CSMD3: variants seen among roughly 807,000 people sequenced by gnomAD.
The protein encoded by CSMD3 is CUB and Sushi multiple domains 3.
Under a neutral mutation model 435.2 loss-of-function variants are expected in CSMD3, and 177 were observed. The ratio of observed to expected loss-of-function variants is 0.41; its 90% CI spans 0.36 to 0.46. The LOEUF (loss-of-function observed/expected upper bound fraction) is 0.46. CSMD3 is among the 20% of genes least tolerant of loss of function. The probability of loss-of-function intolerance (pLI) is 0.34; values close to 1 mark genes in which losing one functional copy is unlikely to be tolerated. For missense variants in CSMD3, 4,265 were observed against 4,504.6 expected, an observed-to-expected ratio of 0.95 and a Z score of 1.52; for synonymous variants, 1,656 against 1,520.5, an observed-to-expected ratio of 1.09 and a Z score of -2.07.
intron 12 of CSMD3, among the ~76,000 whole-genome samples, chr8:112,828,062 T>C (rs1014915371): frequency 3.3e-5 from 5 of 152,216 alleles, no homozygotes; most frequent in African/African-American, 1.2e-4. Flanking sequence ...TTTTACAGTA[T>C]ATTGCATGTA....
chr8:112,971,131 TGTAA>T (rs1015785857), intron 7 of CSMD3, among the ~76,000 whole-genome samples: 13 of 152,332 alleles, frequency 8.5e-5, no homozygotes, highest in African/African-American at 3.1e-4. Flanking sequence ...AATACTGCTA[TGTAA>T]GTGTTTCTCA....
At chr8:112,952,859 AT>A (rs1224125391) in intron 8 of CSMD3, among the ~76,000 whole-genome samples, 1 of 151,490 alleles carries the variant, frequency 6.6e-6, no homozygotes, top group Non-Finnish European at 1.5e-5. Flanking sequence ...TAAACAAGAT[AT>A]TTTTATTAGA....
At chr8:112,870,060 G>GA (rs2081088502) in intron 10 of CSMD3, among the ~76,000 whole-genome samples, 1 of 151,978 alleles carries the variant, frequency 6.6e-6, no homozygotes, top group African/African-American at 2.4e-5. Flanking sequence ...AATTTGTTTA[G>GA]AAAAATATTA....
intron 23 of CSMD3, among the ~76,000 whole-genome samples, chr8:112,584,858 G>A (rs1421966031): frequency 6.6e-6 from 1 of 151,550 alleles, no homozygotes; most frequent in South Asian, 2.1e-4. Flanking sequence ...TAAAGTACTG[G>A]AGATGGGGAT....
At chr8:113,360,278 C>T (rs1313238152) in intron 1 of CSMD3, among the ~76,000 whole-genome samples, 1 of 152,054 alleles carries the variant, frequency 6.6e-6, no homozygotes, top group Non-Finnish European at 1.5e-5. Context: ...CCTACTTCAG[C>T]CCTCTAGAGC....
chr8:112,487,310 C>T (rs1252127188), intron 31 of CSMD3, among the ~76,000 whole-genome samples: 1 of 151,990 alleles, frequency 6.6e-6, no homozygotes, highest in African/African-American at 2.4e-5. Flanking sequence ...AGATTAGATG[C>T]CTGAAGAAAA....
intron 13 of CSMD3, among the ~76,000 whole-genome samples, chr8:112,722,576 CGTGT>C (rs150216751): frequency 8.0e-5 from 12 of 150,094 alleles, no homozygotes; most frequent in African/African-American, 2.7e-4. Flanking sequence ...TGTGCGTTAG[CGTGT>C]GTGTGTGTGT....
At chr8:113,151,262 C>G (rs1156874832) in intron 4 of CSMD3, among the ~76,000 whole-genome samples, 1 of 151,880 alleles carries the variant, frequency 6.6e-6, no homozygotes, top group Non-Finnish European at 1.5e-5. Flanking sequence ...ATACTATTAT[C>G]TATTTTCTAA....
At chr8:112,539,940 A>T (rs2131129888) in intron 27 of CSMD3, among the ~76,000 whole-genome samples, 1 of 152,244 alleles carries the variant, frequency 6.6e-6, no homozygotes, top group South Asian at 2.1e-4. Context: ...AGCAAAGTAA[A>T]CAATCAACAG....
chr8:112,645,200 C>T lies in CSMD3; in HGVS notation c.3219G>A (p.Gly1073=), dbSNP rs149260352. 1 of 1,594,532 alleles carries T rather than the reference C, an allele frequency of 6.3e-7. No individual in the cohort carries two copies. Among genetic ancestry groups the T allele is most frequent in the Non-Finnish European group, 8.6e-7 (1 of 1,162,364 alleles). The change falls in exon 20 of 71, where the codon GGG becomes GGA. Residue 1073 remains glycine, a synonymous_variant. Transcript: ENST00000297405. ...CAGGTGATAAGATTGTTCCACTAGG[C>T]CCTCTAACATCTCCTCCACATAATG... The part of the protein sequence containing the change: ...CDALCGGDVR[G]PSGTILSPGY...
chr8:113,134,675 G>T (rs1232270398), intron 4 of CSMD3, among the ~76,000 whole-genome samples: 2 of 152,002 alleles, frequency 1.3e-5, no homozygotes, highest in South Asian at 4.1e-4. Flanking sequence ...CCAGGTAGGG[G>T]TTTTCAACAG....
At chr8:112,660,697 T>C (rs554419993) in intron 17 of CSMD3, among the ~76,000 whole-genome samples, 10 of 152,306 alleles carry the variant, frequency 6.6e-5, no homozygotes, top group South Asian at 4.1e-4. Flanking sequence ...ATTTGGGACT[T>C]AATTTATTTT....
intron 13 of CSMD3, among the ~76,000 whole-genome samples, chr8:112,709,547 A>G (rs974595208): frequency 6.6e-6 from 1 of 152,126 alleles, no homozygotes; most frequent in Non-Finnish European, 1.5e-5. Flanking sequence ...ATTACAATTC[A>G]GAGAAACAGA....
intron 11 of CSMD3, among the ~76,000 whole-genome samples, chr8:112,847,174 T>C (rs1484834485): frequency 6.6e-6 from 1 of 152,156 alleles, no homozygotes; most frequent in African/African-American, 2.4e-5. Context: ...GTAGATACTG[T>C]CAATGCTCCA....
At chr8:113,270,701 C>T (rs1459337872) in intron 3 of CSMD3, among the ~76,000 whole-genome samples, 1 of 152,040 alleles carries the variant, frequency 6.6e-6, no homozygotes, top group African/African-American at 2.4e-5. Context: ...TGGAAACCAT[C>T]ACTCTCAGCA....
At chr8:112,876,808 A>C (rs1041608956) in intron 10 of CSMD3, among the ~76,000 whole-genome samples, 4 of 152,160 alleles carry the variant, frequency 2.6e-5, no homozygotes, top group Non-Finnish European at 5.9e-5. Flanking sequence ...GGAAGGGAGA[A>C]AGTCAAATTG....
At chr8:113,335,524 T>C in intron 1 of CSMD3, among the ~76,000 whole-genome samples, 1 of 142,270 alleles carries the variant, frequency 7.0e-6, no homozygotes, top group Admixed American at 7.1e-5. Context: ...TGGATTTAGC[T>C]CTCCTCCTCC....
At chr8:112,576,629 C>T (rs969976703) in intron 23 of CSMD3, among the ~76,000 whole-genome samples, 7 of 151,884 alleles carry the variant, frequency 4.6e-5, no homozygotes, top group African/African-American at 1.7e-4. Context: ...TCCCCCAGTT[C>T]AGGTGACCCT....
intron 10 of CSMD3, among the ~76,000 whole-genome samples, chr8:112,921,120 A>T (rs935731627): frequency 6.6e-6 from 1 of 151,610 alleles, no homozygotes; most frequent in Non-Finnish European, 1.5e-5. Flanking sequence ...ATAATATAAG[A>T]TATATATTTA....
Sources: allele counts gnomAD v4.1 joint callset (sites outside exome capture counted in the v4.1 genomes callset), GRCh38; gene constraint gnomAD v4.1.1; transcripts MANE v1.5; gene names NCBI Gene and HGNC (gene_info 2026-07-23, HGNC 2026-07-21).